Variants in PGM1 observed in about 807,000 individuals in gnomAD.
PGM1 encodes phosphoglucomutase 1.
In PGM1, 52 loss-of-function variants were observed where a neutral mutation model predicts 55.6. The observed-to-expected ratio is 0.94, with a 90% confidence interval of 0.75 to 1.18. The LOEUF is 1.18. Among genes scored for constraint, PGM1 ranks in the 50% most tolerant of loss-of-function variants. PGM1 has a pLI of 0.00. For synonymous variants in PGM1, 287 were observed against 271.7 expected (o/e 1.06, Z -0.55); for missense variants, 724 against 729.3 (o/e 0.99, Z 0.08).
intron 8 of PGM1, among the ~76,000 whole-genome samples, chr1:63,648,881 T>A (rs1649728948): frequency 6.6e-6 from 1 of 152,232 alleles, no homozygotes; most frequent in Non-Finnish European, 1.5e-5. Flanking sequence ...ATCAAAAGAA[T>A]AAATGCTTTA....
intron 1 of PGM1, among the ~76,000 whole-genome samples, chr1:63,594,860 C>A (rs981207026): frequency 6.9e-6 from 1 of 145,540 alleles, no homozygotes; most frequent in Non-Finnish European, 1.5e-5. Flanking sequence ...ACTCGGGAGG[C>A]TGAGGCAGGA....
chr1:63,606,101 T>G (rs1323731776), intron 1 of PGM1, among the ~76,000 whole-genome samples: 1 of 152,194 alleles, frequency 6.6e-6, no homozygotes, highest in Non-Finnish European at 1.5e-5. Context: ...TTGCCTGAGC[T>G]CCCGTCTTTA....
rs767597430 is a variant in PGM1 at position 63,593,514 on chromosome 1, C to T, written c.26C>T (p.Thr9Ile). Residue 9 changes from threonine (T) to isoleucine (I), a missense_variant, in exon 1 of 11, where the codon ACC becomes ATC. Thr to Ile is a moderately conservative substitution (Grantham distance 89, BLOSUM62 -1). Transcript: ENST00000371084. ...ATGGTGAAGATCGTGACAGTTAAGA[C>T]CCAGGCGTACCAGGACCAGAAGCCG... MVKIVTVK[T>I]QAYQDQKPGT... The T allele has an allele frequency of 3.7e-6, 6 of 1,613,860 alleles. No individual in the cohort carries two copies. The South Asian group carries it at 4.4e-5, about 12-fold the overall frequency.
rs192790623 is a variant in PGM1 at position 63,636,536 on chromosome 1, G to T, written c.1028+148G>T. 1.3e-4 allele frequency: 117 copies of T among 925,146 alleles called. No homozygotes were observed. The African/African-American group carries it at 1.6e-3, about 12-fold the overall frequency. 57.3% of individuals were successfully genotyped at this position (925,146 alleles called of 1,614,324 possible). ...CTGAGCGATTCTTGTGTGAGGGGAT[G>T]GTTGGCTTTTTCTGGATTCAATGCC... On this transcript the variant is annotated intron_variant, in intron 6 of 10. Transcript: ENST00000371084.
rs1649596223 is a variant in PGM1 at position 63,644,262 on chromosome 1, T to C, written c.1145-4255T>C. On this transcript the variant is annotated intron_variant, in intron 7 of 10. Transcript: ENST00000371084. ...GCTGAAAGGGTAGAATTCCTGTCCC[T>C]GAGCGGAGCAAGGGTGAAGAGACCC... Among the ~76,000 whole-genome samples, 3 of 152,346 alleles carry C rather than the reference T, an allele frequency of 2.0e-5. No individual in the cohort carries two copies. In the South Asian group the frequency reaches 6.2e-4, roughly 32 times the overall value.
rs115169576 is a variant in PGM1 at position 63,621,619 on chromosome 1, T to G, written c.247-7806T>G. 4.4e-3 allele frequency among the ~76,000 whole-genome samples: 667 copies of G among 152,342 alleles called. 3 individuals carry two copies. Among genetic ancestry groups the G allele is most frequent in the African/African-American group, 0.016 (650 of 41,578 alleles). The stretch of plus-strand genomic sequence containing the variant: ...GTTGAAAAACAGTGGTTATGTAAAC[T>G]GTTAATAAAGCATGCTTGCTTTTTC... On this transcript the variant is annotated intron_variant, in intron 1 of 10. Transcript: ENST00000371084.
At chr1:63,634,156 C>T (rs1649297681) in intron 4 of PGM1, among the ~76,000 whole-genome samples, 1 of 151,402 alleles carries the variant, frequency 6.6e-6, no homozygotes, top group African/African-American at 2.4e-5. Context: ...TCCCAATTCC[C>T]ACTTTTCCTA....
chr1:63,640,931 A>G (rs1308856616), intron 7 of PGM1, among the ~76,000 whole-genome samples: 1 of 152,150 alleles, frequency 6.6e-6, no homozygotes, highest in African/African-American at 2.4e-5. Flanking sequence ...GTGGGGTGGG[A>G]TGATTATTTC....
chr1:63,618,475 A>C (rs139280726), intron 1 of PGM1, among the ~76,000 whole-genome samples: 105 of 152,326 alleles, frequency 6.9e-4, no homozygotes, highest in African/African-American at 2.3e-3. Context: ...CTTTAGATAA[A>C]CTAATATCCC....
chr1:63,613,052 G>A (rs1010495147), intron 1 of PGM1, among the ~76,000 whole-genome samples: 1 of 152,114 alleles, frequency 6.6e-6, no homozygotes, highest in Non-Finnish European at 1.5e-5. Context: ...AAATGAGTGA[G>A]ATGCAGTCTC....
intron 1 of PGM1, among the ~76,000 whole-genome samples, chr1:63,595,580 C>T (rs763255875): frequency 6.7e-6 from 1 of 150,050 alleles, no homozygotes; most frequent in Admixed American, 6.6e-5. Context: ...GAAAGAAGAA[C>T]AGACAATAGC....
chr1:63,597,879 G>T (rs1648127647), intron 1 of PGM1, among the ~76,000 whole-genome samples: 1 of 152,010 alleles, frequency 6.6e-6, no homozygotes, highest in Admixed American at 6.5e-5. Context: ...GAGGGTATTT[G>T]TTGTTGTTGT....
intron 10 of PGM1, among the ~76,000 whole-genome samples, chr1:63,657,022 T>C (rs1649986859): frequency 6.6e-6 from 1 of 152,208 alleles, no homozygotes; most frequent in Non-Finnish European, 1.5e-5. Context: ...AGATTGATAA[T>C]GTTAGTTGGC....
chr1:63,638,757 C>T lies in PGM1; in HGVS notation c.1101C>T (p.Asp367=), dbSNP rs375432694. 2.5e-4 allele frequency: 409 copies of T among 1,614,014 alleles called. No homozygotes were observed. Among genetic ancestry groups the T allele is most frequent in the Non-Finnish European group, 3.2e-4 (381 of 1,179,934 alleles). Residue 367 remains aspartate, a synonymous_variant, in exon 7 of 11, where the codon GAC becomes GAT. Coordinates refer to ENST00000371084, the MANE Select transcript of PGM1 (RefSeq NM_002633.3). ...GGAAGTTTTTTGGGAATTTGATGGA[C>T]GCGAGCAAACTGTCCCTTTGTGGGG... ...TGWKFFGNLM[D]ASKLSLCGEE...
intron 1 of PGM1, among the ~76,000 whole-genome samples, chr1:63,613,142 C>T (rs1400072062): frequency 2.6e-5 from 4 of 151,712 alleles, no homozygotes; most frequent in Non-Finnish European, 5.9e-5. Flanking sequence ...TGCTAGAAAC[C>T]AAACACTCTG....
At chr1:63,603,605 T>C (rs1648302773) in intron 1 of PGM1, among the ~76,000 whole-genome samples, 1 of 152,198 alleles carries the variant, frequency 6.6e-6, no homozygotes, top group African/African-American at 2.4e-5. Flanking sequence ...GGCAAGCCAT[T>C]AACTATCATC....
intron 4 of PGM1, among the ~76,000 whole-genome samples, chr1:63,632,782 G>A (rs1489110936): frequency 2.0e-5 from 3 of 152,190 alleles, no homozygotes; most frequent in African/African-American, 7.2e-5. Flanking sequence ...AGAGGCCAAG[G>A]CAGGTGGATC....
intron 7 of PGM1, among the ~76,000 whole-genome samples, chr1:63,643,367 G>C (rs189904401): frequency 6.6e-6 from 1 of 152,328 alleles, no homozygotes; most frequent in Admixed American, 6.5e-5. Flanking sequence ...CACATTTGTT[G>C]AGTGTAAAGT....
intron 1 of PGM1, among the ~76,000 whole-genome samples, chr1:63,612,404 G>C (rs901511888): frequency 3.9e-5 from 6 of 152,296 alleles, no homozygotes; most frequent in East Asian, 1.9e-4. Flanking sequence ...CCCATACGTA[G>C]AATGATTGAT....
Sources: allele counts gnomAD v4.1 joint callset (sites outside exome capture counted in the v4.1 genomes callset), GRCh38; gene constraint gnomAD v4.1.1; transcripts MANE v1.5; gene names NCBI Gene and HGNC (gene_info 2026-07-23, HGNC 2026-07-21).